The following TNIK variants were observed in gnomAD, a reference collection of about 807,000 sequenced individuals.
TNIK encodes TRAF2 and NCK-interacting protein kinase.
In TNIK, 49 loss-of-function variants were observed where a neutral mutation model predicts 191.3. That is an observed-to-expected ratio of 0.26 (90% confidence interval 0.20 to 0.32). TNIK has a LOEUF of 0.32. TNIK is among the 10% of genes least tolerant of loss of function. The pLI is 1.00. For synonymous variants in TNIK, 594 were observed against 600.9 expected (o/e 0.99, Z 0.17); for missense variants, 1,155 against 1,702.3 (o/e 0.68, Z 5.66).
intron 2 of TNIK, among the ~76,000 whole-genome samples, chr3:171,356,729 C>G (rs2108454530): frequency 6.6e-6 from 1 of 152,232 alleles, no homozygotes; most frequent in East Asian, 1.9e-4. Flanking sequence ...TACTACTTAC[C>G]TGGGGGCTTC....
chr3:171,425,078 G>A (rs1724379501), intron 1 of TNIK, among the ~76,000 whole-genome samples: 1 of 151,888 alleles, frequency 6.6e-6, no homozygotes, highest in Admixed American at 6.6e-5. Flanking sequence ...AAAATTCTGA[G>A]TTCGCATAAA....
chr3:171,099,016 T>G (rs887819825), intron 22 of TNIK, among the ~76,000 whole-genome samples: 2 of 152,122 alleles, frequency 1.3e-5, no homozygotes, highest in Non-Finnish European at 2.9e-5. Flanking sequence ...CTATCTAAAG[T>G]TTACCAATCC....
intron 2 of TNIK, among the ~76,000 whole-genome samples, chr3:171,272,998 A>G (rs188925913): frequency 8.7e-4 from 133 of 152,312 alleles, no homozygotes; most frequent in African/African-American, 2.8e-3. Flanking sequence ...CAACAGCCCA[A>G]CCAGAGATTC....
intron 2 of TNIK, among the ~76,000 whole-genome samples, chr3:171,309,876 T>C (rs1753835076): frequency 6.6e-6 from 1 of 152,178 alleles, no homozygotes; most frequent in Non-Finnish European, 1.5e-5. Context: ...AGACTTTTCC[T>C]TTCTCTGGAT....
intron 7 of TNIK, 86 bp from the exon 8 acceptor site, chr3:171,177,466 G>A (rs1736102978): frequency 2.1e-6 from 3 of 1,461,210 alleles, no homozygotes; most frequent in Middle Eastern, 1.7e-4. Flanking sequence ...AGAACTTCCT[G>A]TGAAAGTCAT....
intron 18 of TNIK, among the ~76,000 whole-genome samples, chr3:171,112,818 A>T (rs1012173768): frequency 2.0e-5 from 3 of 152,138 alleles, no homozygotes; most frequent in Non-Finnish European, 4.4e-5. Context: ...TATATAGATG[A>T]GTTACTTGAC....
chr3:171,219,925 G>C (rs754311466), intron 3 of TNIK, among the ~76,000 whole-genome samples: 1 of 152,028 alleles, frequency 6.6e-6, no homozygotes, highest in African/African-American at 2.4e-5. Context: ...TCATTCTACT[G>C]TAAAGACACA....
rs555263771 is a variant in TNIK, at chr3:171,357,817, G to A, written c.123+11803C>T. On this transcript the variant is annotated intron_variant, in intron 2 of 32. Transcript: ENST00000436636. The stretch of plus-strand genomic sequence containing the variant: ...GGCACAGCACGGATAAACAGACACC[G>A]TGTGCAGTGTGCACGAATGCCCCGC... Among the ~76,000 whole-genome samples the A allele has an allele frequency of 5.9e-5, 9 of 152,264 alleles. No individual in the cohort carries two copies. The East Asian group carries it at 1.7e-3, about 29-fold the overall frequency.
At chr3:171,122,601 A>T (rs996211344) in intron 18 of TNIK, among the ~76,000 whole-genome samples, 6 of 152,212 alleles carry the variant, frequency 3.9e-5, no homozygotes, top group African/African-American at 1.4e-4. Flanking sequence ...TTTTCATGTG[A>T]AGAGGAAAAT....
chr3:171,450,305 C>T (rs1190901548), intron 1 of TNIK, among the ~76,000 whole-genome samples: 1 of 152,236 alleles, frequency 6.6e-6, no homozygotes, highest in Non-Finnish European at 1.5e-5. Context: ...GATTTGGTTT[C>T]TTCACAGTGG....
At chr3:171,369,831 A>C (rs963100033) in intron 1 of TNIK, 146 bp from the exon 2 acceptor site, 1 of 512,666 alleles carries the variant, frequency 2.0e-6, no homozygotes, top group Non-Finnish European at 3.3e-6. Flanking sequence ...ATACTATCAA[A>C]ATTTTAAAAT....
chr3:171,314,816 A>AT (rs1289482827), intron 2 of TNIK, among the ~76,000 whole-genome samples: 1 of 152,138 alleles, frequency 6.6e-6, no homozygotes, highest in Non-Finnish European at 1.5e-5. Context: ...GAGGAGAAGG[A>AT]TTCAGGAGGC....
chr3:171,384,220 G>A (rs750004930), intron 1 of TNIK, among the ~76,000 whole-genome samples: 3 of 152,156 alleles, frequency 2.0e-5, no homozygotes, highest in Non-Finnish European at 4.4e-5. Flanking sequence ...TCCAAAGATC[G>A]CTTTGAATGT....
intron 2 of TNIK, among the ~76,000 whole-genome samples, chr3:171,361,979 C>T (rs183884685): frequency 3.3e-5 from 5 of 152,220 alleles, no homozygotes; most frequent in Non-Finnish European, 2.9e-5. Flanking sequence ...AACCATACAA[C>T]GGGTCCTCAA....
chr3:171,375,852 C>G (rs911132578), intron 1 of TNIK, among the ~76,000 whole-genome samples: 1 of 152,172 alleles, frequency 6.6e-6, no homozygotes, highest in Admixed American at 6.5e-5. Flanking sequence ...ATGGCCTACA[C>G]AGACTCTAGA....
rs983588817 is a variant in TNIK, at chr3:171,114,410, C to T, written c.2121-3533G>A. On this transcript the variant is annotated intron_variant, in intron 18 of 32. Transcript: ENST00000436636. Reference sequence around the variant, plus strand: ...TTTCTCCCATAAATTTGGATATGACCCCTTCCTTTGAGATACTTTTAGTTT... The same window carrying T: ...TTTCTCCCATAAATTTGGATATGACTCCTTCCTTTGAGATACTTTTAGTTT... Among the ~76,000 whole-genome samples the T allele has an allele frequency of 2.0e-5, 3 of 152,124 alleles. 1 individual carries two copies. Among genetic ancestry groups the T allele is most frequent in the Middle Eastern group, 6.4e-3 (2 of 314 alleles).
chr3:171,079,703 T>G, intron 27 of TNIK, 51 bp from the exon 28 acceptor site: 1 of 1,545,294 alleles, frequency 6.5e-7, no homozygotes, highest in Non-Finnish European at 8.7e-7. Flanking sequence ...AGCTCTCACT[T>G]TTTCCTTCCC....
In TNIK at chr3:171,366,170, A is replaced by G. The variant is rs1002245194; in HGVS notation, c.123+3450T>C. On this transcript the variant is annotated intron_variant, in intron 2 of 32. Transcript: ENST00000436636. The surrounding 1 kb of genome is among the most constrained non-coding windows in gnomAD (Gnocchi z 4.1). ...GTGGCCTTTTGTTGGTTTATTTTTTAATGCAGCCATGAACAGAAGGAGATG... is the reference window on the plus strand; with the variant it reads ...GTGGCCTTTTGTTGGTTTATTTTTTGATGCAGCCATGAACAGAAGGAGATG... Among the ~76,000 whole-genome samples, 2 of 152,222 alleles carry G rather than the reference A, an allele frequency of 1.3e-5. No individual in the cohort carries two copies. Among genetic ancestry groups the G allele is most frequent in the African/African-American group, 4.8e-5 (2 of 41,462 alleles).
chr3:171,140,691 G>C (rs578248046), intron 12 of TNIK, among the ~76,000 whole-genome samples, 182 bp from the exon 13 acceptor site: 2 of 152,170 alleles, frequency 1.3e-5, no homozygotes, highest in Non-Finnish European at 2.9e-5. Flanking sequence ...GTGAGAGAGA[G>C]AGATTCAGTG....
Sources: gnomAD v4.1 joint callset for allele counts (sites outside exome capture counted in the v4.1 genomes callset) on GRCh38, gnomAD v4.1.1 for gene constraint, Gnocchi (gnomAD v3.1) non-coding constraint, MANE v1.5 for transcripts, NCBI Gene and HGNC (gene_info 2026-07-23, HGNC 2026-07-21) for gene names.